Variants in VWC2L observed in about 807,000 individuals in gnomAD.
The protein encoded by VWC2L is von Willebrand factor C domain containing 2 like.
VWC2L carries 10 observed loss-of-function variants against 21.6 expected under a neutral mutation model. That is an observed-to-expected ratio of 0.46 (90% CI 0.29 to 0.78). The LOEUF is 0.78. VWC2L is among the 30% of genes least tolerant of loss of function. VWC2L has a pLI of 0.10. For missense variants in VWC2L, 209 were observed against 277.1 expected, an observed-to-expected ratio of 0.75 and a Z score of 1.74; for synonymous variants, 96 against 94.3, an observed-to-expected ratio of 1.02 and a Z score of -0.10.
intron 3 of VWC2L, among the ~76,000 whole-genome samples, chr2:214,444,771 C>T (rs1468516748): frequency 6.6e-6 from 1 of 151,988 alleles, no homozygotes; most frequent in Admixed American, 6.6e-5. Flanking sequence ...ATCCAAATAT[C>T]TGATGAAAGA....
At chr2:214,463,291 G>T (rs1015840316) in intron 3 of VWC2L, among the ~76,000 whole-genome samples, 3 of 151,886 alleles carry the variant, frequency 2.0e-5, no homozygotes, top group Admixed American at 1.3e-4. Context: ...GTTTTTTTAT[G>T]ATGTACATAG....
intron 3 of VWC2L, among the ~76,000 whole-genome samples, chr2:214,450,570 G>C (rs949513532): frequency 6.6e-6 from 1 of 152,116 alleles, no homozygotes; most frequent in Non-Finnish European, 1.5e-5. Flanking sequence ...TGTGTTAATC[G>C]TATAACTAGG....
chr2:214,540,736 G>T (rs543796637), intron 3 of VWC2L, among the ~76,000 whole-genome samples: 1 of 152,106 alleles, frequency 6.6e-6, no homozygotes, highest in Non-Finnish European at 1.5e-5. Flanking sequence ...AATAGCAGAC[G>T]GCTTTTCTAT....
chr2:214,533,328 G>A (rs1173445158), intron 3 of VWC2L, among the ~76,000 whole-genome samples: 1 of 152,062 alleles, frequency 6.6e-6, no homozygotes, highest in African/African-American at 2.4e-5. Flanking sequence ...TAAAGATAAA[G>A]TTAGAATAAT....
At chr2:214,423,764 A>G (rs1702477142) in intron 2 of VWC2L, among the ~76,000 whole-genome samples, 1 of 152,190 alleles carries the variant, frequency 6.6e-6, no homozygotes, top group African/African-American at 2.4e-5. Context: ...CAAACAATAT[A>G]GGCCAAAATA....
intron 3 of VWC2L, among the ~76,000 whole-genome samples, chr2:214,525,636 T>C (rs1046679148): frequency 6.6e-5 from 10 of 152,306 alleles, no homozygotes; most frequent in African/African-American, 2.2e-4. Context: ...AAATAATTCA[T>C]TCCTCACATC....
chr2:214,554,064 G>T (rs1159614887), intron 3 of VWC2L, among the ~76,000 whole-genome samples: 1 of 151,906 alleles, frequency 6.6e-6, no homozygotes, highest in Non-Finnish European at 1.5e-5. Flanking sequence ...AACTCATCTT[G>T]GACTCTTTCT....
At chr2:214,418,630 T>C (rs2126170591) in intron 2 of VWC2L, among the ~76,000 whole-genome samples, 1 of 152,322 alleles carries the variant, frequency 6.6e-6, no homozygotes, top group South Asian at 2.1e-4. Flanking sequence ...CCCAACACCG[T>C]GTGAGCTATG....
chr2:214,459,720 CTT>C (rs1310671065), intron 3 of VWC2L, among the ~76,000 whole-genome samples: 1 of 152,012 alleles, frequency 6.6e-6, no homozygotes, highest in East Asian at 1.9e-4. Flanking sequence ...TTATGAATAA[CTT>C]TGCTGGGTAT....
intron 2 of VWC2L, among the ~76,000 whole-genome samples, chr2:214,428,702 A>AC (rs1469975569): frequency 2.0e-5 from 3 of 151,540 alleles, no homozygotes; most frequent in Non-Finnish European, 4.4e-5. Context: ...AGCACTTGTT[A>AC]TTATTATATT....
rs1441853795 is a variant in VWC2L, at chr2:214,577,954, G to A, written c.*2134G>A. 1 of 152,064 alleles carries A rather than the reference G, an allele frequency of 6.6e-6. No individual in the cohort carries two copies. The highest frequency in any genetic ancestry group is 2.4e-5 in the African/African-American group (1 of 41,412). 9.4% of individuals were successfully genotyped at this position (152,064 alleles called of 1,614,324 possible). ...TTGGTGCCTTTCATTTGCCACCATG[G>A]ATACATCATATAGACAGTCATGAAT... On this transcript the variant is annotated 3_prime_UTR_variant, in exon 4 of 4. Coordinates refer to ENST00000312504, the MANE Select transcript of VWC2L (RefSeq NM_001080500.4).
At chr2:214,469,903 A>T (rs1475709594) in intron 3 of VWC2L, among the ~76,000 whole-genome samples, 1 of 152,220 alleles carries the variant, frequency 6.6e-6, no homozygotes, top group Non-Finnish European at 1.5e-5. Context: ...GTTGTAAAGA[A>T]TGGTGATGGA....
At chr2:214,416,479 C>G (rs1437838210) in intron 2 of VWC2L, among the ~76,000 whole-genome samples, 1 of 151,908 alleles carries the variant, frequency 6.6e-6, no homozygotes, top group Admixed American at 6.6e-5. Flanking sequence ...TAATAGATAT[C>G]ACTTTTTTTA....
chr2:214,535,811 C>A (rs1001231274), intron 3 of VWC2L, among the ~76,000 whole-genome samples: 1 of 151,910 alleles, frequency 6.6e-6, no homozygotes, highest in Non-Finnish European at 1.5e-5. Context: ...CACACACACA[C>A]ACACACACAC....
At chr2:214,474,560 C>G (rs1688477807) in intron 3 of VWC2L, among the ~76,000 whole-genome samples, 1 of 152,034 alleles carries the variant, frequency 6.6e-6, no homozygotes, top group African/African-American at 2.4e-5. Flanking sequence ...ATAAGTACGC[C>G]TTTCATTTTG....
At chr2:214,490,845 T>A (rs552778015) in intron 3 of VWC2L, among the ~76,000 whole-genome samples, 2 of 152,328 alleles carry the variant, frequency 1.3e-5, no homozygotes, top group South Asian at 4.1e-4. Flanking sequence ...TTGGTGTCAA[T>A]GTGACTAGGC....
chr2:214,441,266 A>G (rs191059478), intron 3 of VWC2L, among the ~76,000 whole-genome samples: 3 of 152,312 alleles, frequency 2.0e-5, no homozygotes, highest in Admixed American at 6.5e-5. Flanking sequence ...ATATTTGCCA[A>G]ATAAAATTGT....
In VWC2L at chr2:214,578,970, C is replaced by T. The variant is rs1372285823; in HGVS notation, c.*3150C>T. On this transcript the variant is annotated 3_prime_UTR_variant, in exon 4 of 4. Coordinates refer to ENST00000312504, the MANE Select transcript of VWC2L (RefSeq NM_001080500.4). ...TTTGTTAAATATAAAGTGTGTTAAC[C>T]AGCAAACATTGTTTGTGGTATATTT... 3 of 151,860 alleles carry T rather than the reference C, an allele frequency of 2.0e-5. No homozygotes were observed. The highest frequency in any genetic ancestry group is 4.4e-5 in the Non-Finnish European group (3 of 67,984). 9.4% of individuals were successfully genotyped at this position (151,860 alleles called of 1,614,324 possible). A position where few individuals can be genotyped will look rare whatever the true frequency, so the allele number is the denominator to read the frequency against.
intron 3 of VWC2L, among the ~76,000 whole-genome samples, chr2:214,454,233 G>C (rs960501124): frequency 2.0e-5 from 3 of 152,036 alleles, no homozygotes; most frequent in African/African-American, 7.2e-5. Flanking sequence ...AATAAAGACA[G>C]TTCTATTACT....
Sources: allele counts gnomAD v4.1 joint callset (sites outside exome capture counted in the v4.1 genomes callset), GRCh38; gene constraint gnomAD v4.1.1; transcripts MANE v1.5; gene names NCBI Gene and HGNC (gene_info 2026-07-23, HGNC 2026-07-21).